Variants in AGBL4 observed in about 807,000 individuals in gnomAD.
AGBL4 encodes the protein AGBL carboxypeptidase 4.
In AGBL4, 58 loss-of-function variants were observed where a neutral mutation model predicts 66.4. That is an observed-to-expected ratio of 0.87 (90% CI 0.71 to 1.09). The LOEUF is 1.09. Among genes scored for constraint, AGBL4 ranks in the 50% least tolerant of loss-of-function variants. The probability of loss-of-function intolerance (pLI) is 0.00; values close to 1 mark genes in which losing one functional copy is unlikely to be tolerated. For synonymous variants in AGBL4, 234 were observed against 222.9 expected (o/e 1.05, Z -0.44); for missense variants, 579 against 631.0 (o/e 0.92, Z 0.88).
Position 49,862,741 on chromosome 1 carries a change from T to C in AGBL4, c.35-11223A>G, listed in dbSNP as rs112787747. 5.5e-3 allele frequency among the ~76,000 whole-genome samples: 837 copies of C among 152,244 alleles called. 4 individuals carry two copies. Among genetic ancestry groups the C allele is most frequent in the South Asian group, 0.011 (51 of 4,822 alleles). On this transcript the variant is annotated intron_variant, in intron 1 of 13. Coordinates refer to ENST00000371839, the MANE Select transcript of AGBL4 (RefSeq NM_032785.4). ...CAGGCCAGAAGACAGTGGCATGACA[T>C]AGTCAAAGGGCTGAAAGAAAAAAGC...
At chr1:49,520,388 A>C (rs1650161559) in intron 3 of AGBL4, among the ~76,000 whole-genome samples, 1 of 152,114 alleles carries the variant, frequency 6.6e-6, no homozygotes, top group South Asian at 2.1e-4. Flanking sequence ...TACCCAACTG[A>C]ACTTCAACTC....
chr1:49,801,171 T>C (rs1644852383), intron 2 of AGBL4, among the ~76,000 whole-genome samples: 4 of 152,166 alleles, frequency 2.6e-5, no homozygotes. Flanking sequence ...TCACACCAGT[T>C]AGAATGGGGA....
chr1:49,851,624 A>G, intron 1 of AGBL4, 106 bp from the exon 2 acceptor site: 2 of 1,159,404 alleles, frequency 1.7e-6, no homozygotes, highest in Non-Finnish European at 2.4e-6. Flanking sequence ...TGTTAACCCA[A>G]GCAAAAAGAA....
chr1:50,014,998 T>C (rs1052877337), intron 1 of AGBL4, among the ~76,000 whole-genome samples: 1 of 152,128 alleles, frequency 6.6e-6, no homozygotes, highest in African/African-American at 2.4e-5. Flanking sequence ...AAGGAAGAAA[T>C]ATAGTCTTTA....
chr1:48,938,690 AC>A (rs1655686483), intron 5 of AGBL4, among the ~76,000 whole-genome samples: 1 of 152,148 alleles, frequency 6.6e-6, no homozygotes, highest in South Asian at 2.1e-4. Flanking sequence ...TATGTACGTA[AC>A]TTTGCATATA....
At chr1:49,771,902 T>C (rs114387207) in intron 2 of AGBL4, among the ~76,000 whole-genome samples, 1,717 of 152,204 alleles carry the variant, frequency 0.011, 12 homozygotes, top group Non-Finnish European at 0.018. Context: ...CAACATATAG[T>C]TGGATCTTGC....
rs145370006 is a variant in AGBL4, at chr1:49,143,004, G to C, written c.378-97204C>G. Among the ~76,000 whole-genome samples the C allele has an allele frequency of 1.0e-3, 156 of 152,096 alleles. 1 individual carries two copies. The highest frequency in any genetic ancestry group is 3.6e-3 in the African/African-American group (150 of 41,482). On this transcript the variant is annotated intron_variant, in intron 4 of 13. Transcript: ENST00000371839. ...TCTAGGTATTTTAATTCCTTTACAA[G>C]GATTAATTCCACTTCATTACTAACA...
chr1:49,707,543 C>T (rs1345039176), intron 2 of AGBL4, among the ~76,000 whole-genome samples: 1 of 151,934 alleles, frequency 6.6e-6, no homozygotes, highest in African/African-American at 2.4e-5. Context: ...GGGCATTTAG[C>T]CCATTTACAT....
chr1:49,407,741 C>T (rs1645234432), intron 3 of AGBL4, among the ~76,000 whole-genome samples: 2 of 151,768 alleles, frequency 1.3e-5, no homozygotes, highest in African/African-American at 4.8e-5. Context: ...AATATGAATG[C>T]TCAAATAATT....
chr1:49,884,755 T>A (rs1034075202), intron 1 of AGBL4, among the ~76,000 whole-genome samples: 2 of 151,868 alleles, frequency 1.3e-5, no homozygotes, highest in African/African-American at 4.8e-5. Context: ...TATGCCTTGC[T>A]GACATTGGTT....
chr1:48,704,845 G>A (rs1379323050), intron 6 of AGBL4, among the ~76,000 whole-genome samples: 2 of 152,186 alleles, frequency 1.3e-5, no homozygotes, highest in Non-Finnish European at 2.9e-5. Context: ...AAAGTATAGT[G>A]TAGGAAGTAC....
rs1163014902 is a variant in AGBL4, at chr1:49,262,078, A to T, written c.283-16214T>A. On this transcript the variant is annotated intron_variant, in intron 3 of 13. Transcript: ENST00000371839. ...ATGGGGAAAGGATTCCCTATTTAAT[A>T]AATGGTGCTGGGAAAACTGGCTAGC... 3.9e-5 allele frequency among the ~76,000 whole-genome samples: 6 copies of T among 152,170 alleles called. No individual in the cohort carries two copies. The South Asian group carries it at 1.2e-3, about 32-fold the overall frequency.
At chr1:48,742,082 G>A (rs1041615808) in intron 6 of AGBL4, among the ~76,000 whole-genome samples, 14 of 152,176 alleles carry the variant, frequency 9.2e-5, no homozygotes, top group African/African-American at 3.4e-4. Context: ...AGGACTGTGC[G>A]CTAACCACTG....
chr1:49,676,472 C>T (rs1486646409), intron 3 of AGBL4, among the ~76,000 whole-genome samples: 1 of 152,042 alleles, frequency 6.6e-6, no homozygotes, highest in African/African-American at 2.4e-5. Flanking sequence ...ATTGAAAAGG[C>T]TTCCAAAGGA....
intron 3 of AGBL4, among the ~76,000 whole-genome samples, chr1:49,290,469 C>G (rs1239278548): frequency 6.6e-6 from 1 of 152,078 alleles, no homozygotes; most frequent in Non-Finnish European, 1.5e-5. Flanking sequence ...CTAAGCCCAG[C>G]ATCAATGAGT....
intron 5 of AGBL4, among the ~76,000 whole-genome samples, chr1:48,953,937 T>C (rs1657215305): frequency 6.6e-6 from 1 of 152,124 alleles, no homozygotes; most frequent in South Asian, 2.1e-4. Context: ...TCACCAAAGA[T>C]TGGGAGAAGA....
intron 3 of AGBL4, among the ~76,000 whole-genome samples, chr1:49,365,348 TA>T (rs1435910014): frequency 1.3e-5 from 2 of 152,002 alleles, no homozygotes; most frequent in African/African-American, 2.4e-5. Context: ...GAAACAATAG[TA>T]ATAATGATAA....
chr1:48,973,414 T>C (rs1659069836), intron 5 of AGBL4, among the ~76,000 whole-genome samples: 1 of 152,118 alleles, frequency 6.6e-6, no homozygotes, highest in Non-Finnish European at 1.5e-5. Flanking sequence ...TAATTTACAA[T>C]ATCCACAATT....
intron 1 of AGBL4, among the ~76,000 whole-genome samples, chr1:49,948,027 A>AATATATATTTAT (rs1655494256): frequency 1.3e-5 from 1 of 75,860 alleles, no homozygotes; most frequent in Non-Finnish European, 2.2e-5. Context: ...AATATATATA[A>AATATATATTTAT]ATATATATAC....
Sources: gnomAD v4.1 joint callset for allele counts (sites outside exome capture counted in the v4.1 genomes callset) on GRCh38, gnomAD v4.1.1 for gene constraint, MANE v1.5 for transcripts, NCBI Gene and HGNC (gene_info 2026-07-23, HGNC 2026-07-21) for gene names.